Variants in HROB observed in about 807,000 individuals in gnomAD.
HROB encodes the protein homologous recombination factor with OB-fold.
HROB carries 44 observed loss-of-function variants against 61.0 expected under a neutral mutation model. The observed-to-expected ratio is 0.72, with a 90% CI of 0.57 to 0.93. The LOEUF (loss-of-function observed/expected upper bound fraction) is 0.93, where lower values mean the gene tolerates loss of function less well. Ranked by LOEUF, HROB falls within the 40% of genes least tolerant of loss-of-function variation. The probability of loss-of-function intolerance (pLI) is 0.00; values close to 1 mark genes in which losing one functional copy is unlikely to be tolerated. For synonymous variants in HROB, 301 were observed against 310.4 expected, an observed-to-expected ratio of 0.97 and a Z score of 0.32; for missense variants, 716 against 796.2, an observed-to-expected ratio of 0.90 and a Z score of 1.21.
chr17:44,142,038 C>G lies in HROB; in HGVS notation c.-105C>G. On this transcript the variant is annotated 5_prime_UTR_variant, in exon 1 of 10. Transcript: ENST00000585683. The stretch of plus-strand genomic sequence containing the variant: ...CTGACCCCAGCCCGGAAGCACTGTC[C>G]CTCGGAGTCCGAGACTTCCACCTGG... The G allele has an allele frequency of 1.4e-6, 2 of 1,437,554 alleles. No individual in the cohort carries two copies. The highest frequency in any genetic ancestry group is 4.1e-5 in the Admixed American group (2 of 49,206). 89.0% of individuals were successfully genotyped at this position (1,437,554 alleles called of 1,614,324 possible). A position where few individuals can be genotyped will look rare whatever the true frequency, so the allele number is the denominator to read the frequency against.
chr17:44,145,359 A>T, intron 2 of HROB, 106 bp downstream of exon 2: 1 of 1,358,838 alleles, frequency 7.4e-7, no homozygotes, highest in Admixed American at 1.9e-5. Context: ...TTTAGTTGAC[A>T]TGTGTATGTT....
In HROB at chr17:44,162,013, G is replaced by A. The variant is rs1157501059; in HGVS notation, c.*81G>A. On this transcript the variant is annotated 3_prime_UTR_variant, in exon 10 of 10. Coordinates refer to ENST00000585683, the MANE Select transcript of HROB (RefSeq NM_001171251.3). ...GGTCACATCCAAGGGGGAGAAGAAG[G>A]CCAGCATGATTGGAGAGTGGACACA... 3 of 1,492,930 alleles carry A rather than the reference G, an allele frequency of 2.0e-6. No homozygotes were observed. Among genetic ancestry groups the A allele is most frequent in the Non-Finnish European group, 2.8e-6 (3 of 1,075,934 alleles). 92.5% of individuals were successfully genotyped at this position (1,492,930 alleles called of 1,614,324 possible). A position where few individuals can be genotyped will look rare whatever the true frequency, so the allele number is the denominator to read the frequency against.
At chr17:44,152,805 A>G in intron 5 of HROB, 28 bp downstream of exon 5, 2 of 1,605,152 alleles carry the variant, frequency 1.2e-6, no homozygotes, top group East Asian at 2.2e-5. Flanking sequence ...TGAGACCCAA[A>G]GGAAAGACCA....
chr17:44,150,392 CTTTTT>C (rs34260212), intron 3 of HROB, among the ~76,000 whole-genome samples: 2 of 142,812 alleles, frequency 1.4e-5, no homozygotes, highest in Non-Finnish European at 1.5e-5. Context: ...TTCTTTCTTT[CTTTTT>C]TTTTTTTTTT....
chr17:44,142,038 C>T lies in HROB; in HGVS notation c.-105C>T, dbSNP rs972441813. 4.9e-6 allele frequency: 7 copies of T among 1,437,436 alleles called. No individual in the cohort carries two copies. The East Asian group carries it at 1.6e-4, about 33-fold the overall frequency. 89.0% of individuals were successfully genotyped at this position (1,437,436 alleles called of 1,614,324 possible). ...CTGACCCCAGCCCGGAAGCACTGTC[C>T]CTCGGAGTCCGAGACTTCCACCTGG... is the stretch of plus-strand genomic sequence containing the variant. On this transcript the variant is annotated 5_prime_UTR_variant, in exon 1 of 10. Coordinates refer to ENST00000585683, the MANE Select transcript of HROB (RefSeq NM_001171251.3).
intron 2 of HROB, chr17:44,147,636 A>G: frequency 4.2e-6 from 2 of 471,588 alleles, no homozygotes; most frequent in Non-Finnish European, 7.6e-6. Flanking sequence ...CGGTTTCGCC[A>G]CGTTGGCCAG....
intron 1 of HROB, among the ~76,000 whole-genome samples, chr17:44,144,435 C>G (rs2053552275): frequency 6.6e-6 from 1 of 152,088 alleles, no homozygotes; most frequent in African/African-American, 2.4e-5. Context: ...GCCACCACGC[C>G]CGACCAAATT....
intron 1 of HROB, among the ~76,000 whole-genome samples, chr17:44,143,649 GA>G (rs74952287): frequency 2.0e-3 from 268 of 137,368 alleles, no homozygotes; most frequent in Admixed American, 2.2e-3. Context: ...GTCTCAGGAA[GA>G]AAAAAAAAAA....
In HROB at chr17:44,151,038, G is replaced by A; in HGVS notation, c.1302G>A (p.Gln434=). ...CCCATGGTGCTCTGGCTAAATTCCAGACAGAGGTAACTTATGCAAATGTTA... is the reference window on the plus strand; with the variant it reads ...CCCATGGTGCTCTGGCTAAATTCCAAACAGAGGTAACTTATGCAAATGTTA... ...TPTHGALAKF[Q]TEIVASSQAS... The change falls in exon 4 of 10, where the codon CAG becomes CAA. Residue 434 remains glutamine, a synonymous_variant. Transcript: ENST00000585683. The A allele has an allele frequency of 6.2e-7, 1 of 1,611,806 alleles. No homozygotes were observed. Among genetic ancestry groups the A allele is most frequent in the Non-Finnish European group, 8.5e-7 (1 of 1,178,360 alleles).
chr17:44,150,900 C>T, intron 3 of HROB, 61 bp from the exon 4 acceptor site: 2 of 1,371,018 alleles, frequency 1.5e-6, no homozygotes, highest in South Asian at 2.4e-5. Context: ...AGACAATAAG[C>T]TGTACTTGTA....
intron 2 of HROB, among the ~76,000 whole-genome samples, chr17:44,146,484 T>TA (rs1308672824): frequency 5.9e-5 from 9 of 152,226 alleles, no homozygotes; most frequent in African/African-American, 1.9e-4. Context: ...TCTTGGGTCT[T>TA]ACAAGGTGAT....
chr17:44,150,790 A>G (rs1176627825), intron 3 of HROB, among the ~76,000 whole-genome samples, 171 bp from the exon 4 acceptor site: 1 of 152,206 alleles, frequency 6.6e-6, no homozygotes, highest in Non-Finnish European at 1.5e-5. Flanking sequence ...TCCCCAAAGT[A>G]TCTTTTTTGA....
At chr17:44,156,726 T>C (rs112597859) in intron 8 of HROB, among the ~76,000 whole-genome samples, 1,788 of 151,800 alleles carry the variant, frequency 0.012, 34 homozygotes, top group African/African-American at 0.041. Flanking sequence ...TGCAGTGGCA[T>C]GTTCTCAGCT....
intron 2 of HROB, chr17:44,147,652 T>G: frequency 1.9e-6 from 1 of 524,866 alleles, no homozygotes; most frequent in Non-Finnish European, 3.4e-6. Context: ...GCCAGGCTGG[T>G]CTCGAACTCC....
rs2144153123 is a variant in HROB at position 44,161,876 on chromosome 17, C to G, written c.1885C>G (p.Leu629Val). 2 of 1,614,066 alleles carry G rather than the reference C, an allele frequency of 1.2e-6. No homozygotes were observed. Among genetic ancestry groups the G allele is most frequent in the East Asian group, 4.5e-5 (2 of 44,880 alleles). ...CATCATTCCCCTCTCTGTAGATGAC[C>G]TGGATGGACTCCTGAGTGAGCTTCC... ...PEEELPEADD[L>V]DGLLSELPED... is the part of the protein sequence containing the mutation. Residue 629 changes from leucine (L) to valine (V), a missense_variant, in exon 10 of 10, where the codon CTG becomes GTG. Leu to Val is a conservative substitution (Grantham distance 32). Coordinates refer to ENST00000585683, the MANE Select transcript of HROB (RefSeq NM_001171251.3).
chr17:44,155,636 C>T (rs550510011), intron 8 of HROB, among the ~76,000 whole-genome samples: 1 of 152,218 alleles, frequency 6.6e-6, no homozygotes, highest in East Asian at 1.9e-4. Flanking sequence ...CTTGGTGATC[C>T]CTGAGCATCT....
chr17:44,148,183 C>G lies in HROB; in HGVS notation c.380C>G (p.Ala127Gly). 6.2e-7 allele frequency: 1 copy of G among 1,614,188 alleles called. No individual in the cohort carries two copies. The highest frequency in any genetic ancestry group is 8.5e-7 in the Non-Finnish European group (1 of 1,180,030). The change falls in exon 3 of 10, where the codon GCA becomes GGA. Residue 127 changes from alanine to glycine, a missense_variant. By Grantham distance (60) the Ala-to-Gly change is moderately conservative. Transcript: ENST00000585683. ...GTGACAGAAGTGCTCAGAGAGACAG[C>G]AAGACCTCAGTCCTCAGCCTTACAC... Reference protein sequence around the residue: ...VTVTEVLRETARPQSSALHPL... With the variant: ...VTVTEVLRETGRPQSSALHPL...
At chr17:44,147,056 A>T (rs1470197781) in intron 2 of HROB, among the ~76,000 whole-genome samples, 1 of 151,772 alleles carries the variant, frequency 6.6e-6, no homozygotes, top group East Asian at 1.9e-4. Context: ...TGTGAGAGAG[A>T]GAGAGAGAAA....
chr17:44,154,136 G>T (rs1483623895), intron 5 of HROB, among the ~76,000 whole-genome samples: 2 of 152,062 alleles, frequency 1.3e-5, no homozygotes, highest in Non-Finnish European at 2.9e-5. Context: ...GAGGTCAGGA[G>T]TTCAAGACAA....
Sources: gnomAD v4.1 joint callset for allele counts (sites outside exome capture counted in the v4.1 genomes callset) on GRCh38, gnomAD v4.1.1 for gene constraint, MANE v1.5 for transcripts, NCBI Gene and HGNC (gene_info 2026-07-23, HGNC 2026-07-21) for gene names.